Variants in THUMPD3 observed in about 807,000 individuals in gnomAD.
THUMPD3 encodes tRNA (guanine(6)-N(2))-methyltransferase THUMP3.
Under a neutral mutation model 54.5 loss-of-function variants are expected in THUMPD3, and 44 were observed. That is an observed-to-expected ratio of 0.81 (90% CI 0.63 to 1.04). The LOEUF (loss-of-function observed/expected upper bound fraction) is 1.04. Ranked by LOEUF, THUMPD3 falls within the 50% of genes least tolerant of loss-of-function variation. The pLI is 0.00. For synonymous variants in THUMPD3, 196 were observed against 201.4 expected (o/e 0.97, Z 0.23); for missense variants, 604 against 601.3 (o/e 1.00, Z -0.05).
Position 9,365,067 on chromosome 3 carries a change from A to G in THUMPD3, c.-2A>G. 1 of 1,613,448 alleles carries G rather than the reference A, an allele frequency of 6.2e-7. No homozygotes were observed. Among genetic ancestry groups the G allele is most frequent in the Non-Finnish European group, 8.5e-7 (1 of 1,179,448 alleles). On this transcript the variant is annotated 5_prime_UTR_variant, in exon 2 of 10. Transcript: ENST00000452837. ...GTTAGGGATCTTGGAAGCACAGCCA[A>G]CATGTGTGACATTGAAGAAGCCACT...
At chr3:9,378,151 T>C (rs2032621138) in intron 6 of THUMPD3, among the ~76,000 whole-genome samples, 2 of 152,248 alleles carry the variant, frequency 1.3e-5, no homozygotes, top group South Asian at 4.1e-4. Context: ...AAACTGCCGA[T>C]GAGTCCTCTT....
At position 9,385,689 on chromosome 3, in the gene THUMPD3, G is replaced by A. The variant is rs373316869; in HGVS notation, c.*1001G>A. 2.0e-5 allele frequency: 3 copies of A among 152,298 alleles called. No homozygotes were observed. The highest frequency in any genetic ancestry group is 3.9e-4 in the East Asian group (2 of 5,188). The allele number at this position is 152,298 out of a possible 1,614,324, so 9.4% of individuals were successfully genotyped here. A position where few individuals can be genotyped will look rare whatever the true frequency, so the allele number is the denominator to read the frequency against. On this transcript the variant is annotated 3_prime_UTR_variant, in exon 10 of 10. Transcript: ENST00000452837. ...CCAACAAACCAAATTAAAAGAAATT[G>A]TTTTTCTTTCAGTACACTAAGGTGT...
Position 9,384,867 on chromosome 3 carries a change from C to T in THUMPD3, c.*179C>T, listed in dbSNP as rs909902326. ...ATGGAATTTAAAAGTTTTATGAGAC[C>T]AGGCACAGTGGCTCACGACTGTAAT... On this transcript the variant is annotated 3_prime_UTR_variant, in exon 10 of 10. Transcript: ENST00000452837. 1 of 682,922 alleles carries T rather than the reference C, an allele frequency of 1.5e-6. No individual in the cohort carries two copies. Among genetic ancestry groups the T allele is most frequent in the Admixed American group, 3.0e-5 (1 of 33,512 alleles). 42.3% of individuals were successfully genotyped at this position (682,922 alleles called of 1,614,324 possible).
Position 9,383,400 on chromosome 3 carries a change from C to G in THUMPD3, c.1235+91C>G, listed in dbSNP as rs547000684. ...TCAGGAAAAAAATCTTGAATTTTAG[C>G]AGACTTAGCAGAGCTGTTTTTCACT... is the stretch of plus-strand genomic sequence containing the variant. On this transcript the variant is annotated intron_variant, in intron 8 of 9. Transcript: ENST00000452837. 83 of 875,804 alleles carry G rather than the reference C, an allele frequency of 9.5e-5. No individual in the cohort carries two copies. In the South Asian group the frequency reaches 1.2e-3, roughly 13 times the overall value. 54.3% of individuals were successfully genotyped at this position (875,804 alleles called of 1,614,324 possible). A position where few individuals can be genotyped will look rare whatever the true frequency, so the allele number is the denominator to read the frequency against.
At position 9,384,810 on chromosome 3, in the gene THUMPD3, T is replaced by C. The variant is rs893453684; in HGVS notation, c.*122T>C. On this transcript the variant is annotated 3_prime_UTR_variant, in exon 10 of 10. Coordinates refer to ENST00000452837, the MANE Select transcript of THUMPD3 (RefSeq NM_001114092.2). ...CTTTAAACCTGTTTAAGGCTCTTCA[T>C]CCTGGTTAGCAAAAGGTGTGAATGT... 2.6e-6 allele frequency: 3 copies of C among 1,143,284 alleles called. No homozygotes were observed. The African/African-American group carries it at 4.7e-5, about 18-fold the overall frequency. 70.8% of individuals were successfully genotyped at this position (1,143,284 alleles called of 1,614,324 possible).
chr3:9,370,841 G>C lies in THUMPD3; in HGVS notation c.331-219G>C, dbSNP rs1243137202. On this transcript the variant is annotated intron_variant, in intron 3 of 9. Transcript: ENST00000452837. ...TATCAGGTATCATAGGTAAGATAGA[G>C]ATGATTTAAGTTACTCTTGAGAGGA... Among the ~76,000 whole-genome samples the C allele has an allele frequency of 2.0e-5, 3 of 152,184 alleles. No individual in the cohort carries two copies. In the East Asian group the frequency reaches 5.8e-4, roughly 29 times the overall value.
chr3:9,375,098 C>G (rs762458118), intron 5 of THUMPD3, among the ~76,000 whole-genome samples: 5 of 152,168 alleles, frequency 3.3e-5, no homozygotes, highest in African/African-American at 7.2e-5. Flanking sequence ...CTCAGGTGAT[C>G]CACCCGCCTC....
chr3:9,366,762 T>G, intron 2 of THUMPD3, 146 bp from the exon 3 acceptor site: 1 of 591,796 alleles, frequency 1.7e-6, no homozygotes, highest in Non-Finnish European at 2.8e-6. Flanking sequence ...GATGAGAAAC[T>G]AGGGAGATGG....
Position 9,365,184 on chromosome 3 carries a change from C to A in THUMPD3, c.116C>A (p.Thr39Asn). The change falls in exon 2 of 10, where the codon ACT (threonine) becomes AAT (asparagine). Residue 39 changes from threonine to asparagine, a missense_variant. Transcript: ENST00000452837. ...GGAAGTGAATCTGAGCTTCTAGTCA[C>A]TATTGGAGCCACTGTACCTACTGGC... Reference protein sequence around the residue: ...DLGSESELLVTIGATVPTGFE... With the variant: ...DLGSESELLVNIGATVPTGFE... 6.2e-7 allele frequency: 1 copy of A among 1,614,144 alleles called. No individual in the cohort carries two copies. The highest frequency in any genetic ancestry group is 8.5e-7 in the Non-Finnish European group (1 of 1,180,038).
rs1331810473 is a variant in THUMPD3 at position 9,385,683 on chromosome 3, G to T, written c.*995G>T. ...GTGGGACCAACAAACCAAATTAAAA[G>T]AAATTGTTTTTCTTTCAGTACACTA... On this transcript the variant is annotated 3_prime_UTR_variant, in exon 10 of 10. Transcript: ENST00000452837. 1 of 152,008 alleles carries T rather than the reference G, an allele frequency of 6.6e-6. No homozygotes were observed. The highest frequency in any genetic ancestry group is 1.5e-5 in the Non-Finnish European group (1 of 67,880). 9.4% of individuals were successfully genotyped at this position (152,008 alleles called of 1,614,324 possible).
At position 9,383,259 on chromosome 3, in the gene THUMPD3, G is replaced by A. The variant is rs1027690403; in HGVS notation, c.1185G>A (p.Leu395=). Residue 395 remains leucine (L), a synonymous_variant, in exon 8 of 10, where the codon TTG becomes TTA. Coordinates refer to ENST00000452837, the MANE Select transcript of THUMPD3 (RefSeq NM_001114092.2). ...AGTGGGATATCTGCAATCTGCCATTGAGAACTGGCTCTGTGGATATTATTG... is the reference window on the plus strand; with the variant it reads ...AGTGGGATATCTGCAATCTGCCATTAAGAACTGGCTCTGTGGATATTATTG... ...AVQWDICNLP[L]RTGSVDIIVT... is the part of the protein sequence containing the mutation. 4 of 1,613,968 alleles carry A rather than the reference G, an allele frequency of 2.5e-6. No individual in the cohort carries two copies. The highest frequency in any genetic ancestry group is 2.5e-6 in the Non-Finnish European group (3 of 1,179,966).
chr3:9,380,763 G>T, intron 7 of THUMPD3, 145 bp downstream of exon 7: 1 of 459,300 alleles, frequency 2.2e-6, no homozygotes, highest in South Asian at 4.6e-5. Flanking sequence ...CATTTTTAAA[G>T]TTTATTGAAA....
chr3:9,382,642 T>TATC (rs2033014868), intron 7 of THUMPD3, among the ~76,000 whole-genome samples: 1 of 152,246 alleles, frequency 6.6e-6, no homozygotes, highest in South Asian at 2.1e-4. Context: ...TAAATTTTTG[T>TATC]ATCATCGGTT....
At chr3:9,381,555 A>G (rs1442759890) in intron 7 of THUMPD3, among the ~76,000 whole-genome samples, 3 of 151,158 alleles carry the variant, frequency 2.0e-5, no homozygotes, top group African/African-American at 4.9e-5. Context: ...GAAGGCTTCA[A>G]TTTTCTTAAA....
At chr3:9,384,082 G>A in intron 8 of THUMPD3, 130 bp from the exon 9 acceptor site, 1 of 1,103,634 alleles carries the variant, frequency 9.1e-7, no homozygotes, top group Non-Finnish European at 1.3e-6. Context: ...ACATGTAATG[G>A]CAAAGGTCTG....
chr3:9,369,681 T>A (rs949686120), intron 3 of THUMPD3, among the ~76,000 whole-genome samples: 1 of 152,198 alleles, frequency 6.6e-6, no homozygotes, highest in African/African-American at 2.4e-5. Flanking sequence ...CAGTCCCATT[T>A]TAGGGCATGA....
At chr3:9,384,092 G>C (rs1456638786) in intron 8 of THUMPD3, 120 bp from the exon 9 acceptor site, 1 of 1,165,620 alleles carries the variant, frequency 8.6e-7, no homozygotes, top group Non-Finnish European at 1.2e-6. Context: ...GCAAAGGTCT[G>C]GTTTCTAAAA....
chr3:9,385,884 A>G lies in THUMPD3; in HGVS notation c.*1196A>G, dbSNP rs1315565921. 1 of 152,184 alleles carries G rather than the reference A, an allele frequency of 6.6e-6. No homozygotes were observed. The highest frequency in any genetic ancestry group is 2.4e-5 in the African/African-American group (1 of 41,448). 9.4% of individuals were successfully genotyped at this position (152,184 alleles called of 1,614,324 possible). A position where few individuals can be genotyped will look rare whatever the true frequency, so the allele number is the denominator to read the frequency against. ...ACATTTAATTGCTTTTCCAGTTGCA[A>G]CAAGTCCTTCTTGAGAGTTTTGTGG... On this transcript the variant is annotated 3_prime_UTR_variant, in exon 10 of 10. Coordinates refer to ENST00000452837, the MANE Select transcript of THUMPD3 (RefSeq NM_001114092.2).
chr3:9,371,250 A>T lies in THUMPD3; in HGVS notation c.521A>T (p.Glu174Val). 6.2e-7 allele frequency: 1 copy of T among 1,611,872 alleles called. No individual in the cohort carries two copies. The highest frequency in any genetic ancestry group is 8.5e-7 in the Non-Finnish European group (1 of 1,179,448). The change falls in exon 4 of 10, where the codon GAG becomes GTG. Residue 174 changes from glutamate (E) to valine (V), a missense_variant. Glu to Val is a moderately radical substitution (Grantham distance 121). Coordinates refer to ENST00000452837, the MANE Select transcript of THUMPD3 (RefSeq NM_001114092.2). ...ATCGATCAGAGAAATGTTAAAAAAG[A>T]GTTCACTAGCCATGCTTTAGATTCT... ...VKIDQRNVKK[E>V]FTSHALDSHI...
Sources: gnomAD v4.1 joint callset for allele counts (sites outside exome capture counted in the v4.1 genomes callset) on GRCh38, gnomAD v4.1.1 for gene constraint, MANE v1.5 for transcripts, NCBI Gene and HGNC (gene_info 2026-07-23, HGNC 2026-07-21) for gene names.